GLIS3: variants seen among roughly 807,000 people sequenced by gnomAD.
GLIS3 encodes the protein zinc finger protein GLIS3.
Under a neutral mutation model 78.6 loss-of-function variants are expected in GLIS3, and 53 were observed. The observed-to-expected ratio is 0.67, with a 90% CI of 0.54 to 0.85. The LOEUF is 0.85. Ranked by LOEUF, GLIS3 falls within the 40% of genes least tolerant of loss-of-function variation. The pLI is 0.00. For missense variants in GLIS3, 1,703 were observed against 1,231.1 expected, an observed-to-expected ratio of 1.38 and a Z score of -5.74; for synonymous variants, 684 against 509.9, an observed-to-expected ratio of 1.34 and a Z score of -4.60.
At chr9:3,978,820 C>G (rs1819004269) in intron 4 of GLIS3, among the ~76,000 whole-genome samples, 1 of 152,170 alleles carries the variant, frequency 6.6e-6, no homozygotes, top group African/African-American at 2.4e-5. Context: ...GCAGTCAGCA[C>G]TCTACATCCT....
intron 4 of GLIS3, among the ~76,000 whole-genome samples, chr9:4,012,257 T>C (rs1822075396): frequency 6.6e-6 from 1 of 152,178 alleles, no homozygotes; most frequent in African/African-American, 2.4e-5. Flanking sequence ...ATGCCTGGCA[T>C]GAGCAACATC....
chr9:3,930,021 T>C (rs1314070458), intron 6 of GLIS3, among the ~76,000 whole-genome samples: 1 of 152,220 alleles, frequency 6.6e-6, no homozygotes, highest in Non-Finnish European at 1.5e-5. Context: ...GATTTGGAAA[T>C]GTGGATTGAC....
At chr9:4,386,497 T>C in the GLIS3 span, 2 of 152,162 alleles carry the variant, frequency 1.3e-5, no homozygotes, top group East Asian at 3.9e-4. Context: ...TTTTAGTATA[T>C]GTGTTAACGG....
chr9:4,399,726 T>G, the GLIS3 span, among the ~76,000 whole-genome samples: 5 of 152,178 alleles, frequency 3.3e-5, no homozygotes, highest in African/African-American at 9.7e-5. Flanking sequence ...ACAAGTAAAG[T>G]AGACTACAAT....
At chr9:4,385,747 AAGAAAGAAAGAAAG>A in the GLIS3 span, among the ~76,000 whole-genome samples, 2 of 60,646 alleles carry the variant, frequency 3.3e-5, no homozygotes, top group East Asian at 6.5e-4. Context: ...AAAAGAAAGA[AAGAAAGAAAGAAAG>A]AAAGAAAGAA....
At chr9:4,385,097 A>C in the GLIS3 span, among the ~76,000 whole-genome samples, 1 of 152,212 alleles carries the variant, frequency 6.6e-6, no homozygotes, top group Admixed American at 6.5e-5. Context: ...TTAAAAAAGG[A>C]AAAATCTAAC....
chr9:4,488,908 C>G, the GLIS3 span, among the ~76,000 whole-genome samples: 69 of 152,006 alleles, frequency 4.5e-4, no homozygotes, highest in Non-Finnish European at 8.5e-4. Context: ...GCTCTGTCGC[C>G]TAGGCTGGAG....
In GLIS3 at chr9:4,247,026, G is replaced by C. The variant is rs1025869023; in HGVS notation, c.388+39012C>G. ...TTGTCTGTTCCACATTTTTTCACTA[G>C]AACAACTGAGTTTTTAAACCACTCT... On this transcript the variant is annotated intron_variant, in intron 2 of 10. Transcript: ENST00000381971. Among the ~76,000 whole-genome samples the C allele has an allele frequency of 2.3e-4, 35 of 152,244 alleles. 1 individual carries two copies. In the South Asian group the frequency reaches 2.9e-3, roughly 13 times the overall value.
At chr9:4,215,964 A>C (rs1473683653) in intron 2 of GLIS3, among the ~76,000 whole-genome samples, 2 of 152,194 alleles carry the variant, frequency 1.3e-5, no homozygotes, top group African/African-American at 4.8e-5. Flanking sequence ...ATTAATTCAA[A>C]TATAACTCTC....
intron 4 of GLIS3, among the ~76,000 whole-genome samples, chr9:4,085,752 G>A (rs1241653607): frequency 2.6e-5 from 4 of 152,022 alleles, no homozygotes; most frequent in Non-Finnish European, 5.9e-5. Context: ...ATGAGATCTG[G>A]TTGTTAAAAA....
chr9:4,008,460 AAAT>A (rs2129997089), intron 4 of GLIS3, among the ~76,000 whole-genome samples: 1 of 152,280 alleles, frequency 6.6e-6, no homozygotes, highest in Admixed American at 6.5e-5. Context: ...TGTACATTCA[AAAT>A]CCAGCCCCTA....
chr9:4,246,050 T>C (rs938482363), intron 2 of GLIS3, among the ~76,000 whole-genome samples: 1 of 152,180 alleles, frequency 6.6e-6, no homozygotes, highest in African/African-American at 2.4e-5. Context: ...CCCATTTCAT[T>C]CATGAGGCTA....
intron 4 of GLIS3, among the ~76,000 whole-genome samples, chr9:4,010,765 G>T (rs893440761): frequency 1.3e-5 from 2 of 152,134 alleles, no homozygotes; most frequent in African/African-American, 4.8e-5. Flanking sequence ...GTTCTGTAAG[G>T]CATAATTTTA....
intron 4 of GLIS3, among the ~76,000 whole-genome samples, chr9:3,953,795 C>CTCTCTCTCTCTCTCTATA (rs1403671770): frequency 2.7e-5 from 2 of 73,344 alleles, no homozygotes; most frequent in African/African-American, 1.1e-4. Context: ...CTCTCTCTCT[C>CTCTCTCTCTCTCTCTATA]TATATATATA....
At chr9:4,148,542 G>A (rs1054455800) in intron 2 of GLIS3, among the ~76,000 whole-genome samples, 1 of 151,986 alleles carries the variant, frequency 6.6e-6, no homozygotes, top group African/African-American at 2.4e-5. Context: ...TCTACCTCAT[G>A]TATCTATATC....
At chr9:4,006,929 T>C (rs1214032176) in intron 4 of GLIS3, among the ~76,000 whole-genome samples, 1 of 152,220 alleles carries the variant, frequency 6.6e-6, no homozygotes, top group Non-Finnish European at 1.5e-5. Flanking sequence ...ATGCAAGCTG[T>C]CTAGGGAAGA....
At chr9:4,353,891 G>A in the GLIS3 span, among the ~76,000 whole-genome samples, 1 of 152,138 alleles carries the variant, frequency 6.6e-6, no homozygotes, top group African/African-American at 2.4e-5. Flanking sequence ...GCAGTGGCGC[G>A]ACCTCGGCTC....
At chr9:3,921,220 G>C (rs1345986654) in intron 6 of GLIS3, among the ~76,000 whole-genome samples, 5 of 152,174 alleles carry the variant, frequency 3.3e-5, no homozygotes, top group African/African-American at 7.2e-5. Flanking sequence ...ACAAGAAAGT[G>C]CCCTTCTCAT....
intron 2 of GLIS3, among the ~76,000 whole-genome samples, chr9:4,323,969 T>C (rs567822351): frequency 6.4e-4 from 98 of 152,356 alleles, no homozygotes; most frequent in Admixed American, 2.0e-3. Context: ...CATTCTTTCA[T>C]TTACTCAGTT....
Sources: allele counts gnomAD v4.1 joint callset (sites outside exome capture counted in the v4.1 genomes callset), GRCh38; gene constraint gnomAD v4.1.1; transcripts MANE v1.5; gene names NCBI Gene and HGNC (gene_info 2026-07-23, HGNC 2026-07-21).